The following CACNA1E variants were observed in gnomAD, a reference collection of about 807,000 sequenced individuals.
CACNA1E encodes voltage-dependent R-type calcium channel subunit alpha-1E.
A neutral mutation model predicts 259.2 loss-of-function variants in CACNA1E; 40 were observed. The observed-to-expected ratio is 0.15, with a 90% CI of 0.12 to 0.20. CACNA1E has a LOEUF of 0.20. CACNA1E is among the 10% of genes least tolerant of loss of function. CACNA1E has a pLI of 1.00. For synonymous variants in CACNA1E, 1,104 were observed against 1,138.5 expected (o/e 0.97, Z 0.61); for missense variants, 1,874 against 3,040.1 (o/e 0.62, Z 9.02).
intron 6 of CACNA1E, among the ~76,000 whole-genome samples, chr1:181,617,702 T>C (rs1008994833): frequency 1.3e-5 from 2 of 152,150 alleles, no homozygotes; most frequent in African/African-American, 4.8e-5. Context: ...ACCCCTCCTT[T>C]TCAATGTTCT....
chr1:181,769,744 A>G (rs1659339807), intron 35 of CACNA1E, among the ~76,000 whole-genome samples: 2 of 152,214 alleles, frequency 1.3e-5, no homozygotes, highest in African/African-American at 4.8e-5. Context: ...CAGAAGTGTC[A>G]TAGGGAAAAA....
Position 181,732,721 on chromosome 1 carries a change from C to T in CACNA1E, c.2635C>T (p.Arg879Trp), listed in dbSNP as rs771126920. The change falls in exon 20 of 48, where the codon CGG becomes TGG. Residue 879 changes from arginine to tryptophan, a missense_variant. Arg to Trp is a moderately radical substitution (Grantham distance 101). This residue lies in a region of CACNA1E where 476 missense variants were observed against 514.0 expected (regional missense o/e 0.93). Transcript: ENST00000367573. The surrounding 1 kb of genome is among the most constrained non-coding windows in gnomAD (Gnocchi z 5.5). ...NQRTPLSLGQREPPWLARPCH... is the reference protein window; with the variant it reads ...NQRTPLSLGQWEPPWLARPCH... ...GAGGACCCCTTTGTCCCTGGGCCAGCGGGAGCCACCATGGCTGGCCAGGCC... is the reference window on the plus strand; with the variant it reads ...GAGGACCCCTTTGTCCCTGGGCCAGTGGGAGCCACCATGGCTGGCCAGGCC... 78 of 1,544,572 alleles carry T rather than the reference C, an allele frequency of 5.0e-5. 1 individual carries two copies. The highest frequency in any genetic ancestry group is 1.8e-4 in the South Asian group (14 of 78,406).
At chr1:181,640,262 A>G (rs1048524730) in intron 6 of CACNA1E, among the ~76,000 whole-genome samples, 3 of 152,192 alleles carry the variant, frequency 2.0e-5, no homozygotes, top group Admixed American at 6.5e-5. Flanking sequence ...TGACTCACCC[A>G]TGTACCTTCA....
chr1:181,786,681 G>A (rs1045406853), intron 43 of CACNA1E, among the ~76,000 whole-genome samples: 10 of 152,156 alleles, frequency 6.6e-5, no homozygotes, highest in African/African-American at 2.4e-4. Context: ...AAGAACACAA[G>A]TATTTCTACT....
chr1:181,693,574 T>C (rs1358762964), intron 7 of CACNA1E, among the ~76,000 whole-genome samples: 4 of 152,152 alleles, frequency 2.6e-5, no homozygotes, highest in Non-Finnish European at 4.4e-5. Flanking sequence ...AAATATCAAA[T>C]GTTCTCACTT....
intron 6 of CACNA1E, among the ~76,000 whole-genome samples, chr1:181,581,329 A>G (rs10494541): frequency 0.82 from 124,864 of 152,168 alleles, 52,215 homozygotes; most frequent in East Asian, 0.98. Context: ...TCTGATTCTC[A>G]TATGTAGCCA....
chr1:181,685,229 AGTTTTT>A (rs749163486), intron 7 of CACNA1E, among the ~76,000 whole-genome samples: 1 of 72,414 alleles, frequency 1.4e-5, no homozygotes, highest in Non-Finnish European at 2.9e-5. Context: ...CCCACCTTTA[AGTTTTT>A]TTTTTTTTTT....
chr1:181,551,382 C>T (rs975075297), intron 3 of CACNA1E, among the ~76,000 whole-genome samples: 10 of 152,142 alleles, frequency 6.6e-5, no homozygotes, highest in African/African-American at 1.2e-4. Context: ...GGTGATGCAG[C>T]GTTTGGCCTG....
chr1:181,784,179 C>T (rs1229286797), intron 40 of CACNA1E, among the ~76,000 whole-genome samples: 2 of 152,150 alleles, frequency 1.3e-5, no homozygotes, highest in Non-Finnish European at 2.9e-5. Context: ...CTCTTGATTT[C>T]TAATGATTGA....
chr1:181,709,129 G>T (rs1196942505), intron 7 of CACNA1E, among the ~76,000 whole-genome samples: 1 of 152,212 alleles, frequency 6.6e-6, no homozygotes, highest in Non-Finnish European at 1.5e-5. Context: ...GGGATTGAAA[G>T]AAGCAAAAAT....
chr1:181,673,460 G>A (rs907286742), intron 7 of CACNA1E, among the ~76,000 whole-genome samples: 8 of 152,184 alleles, frequency 5.3e-5, no homozygotes, highest in African/African-American at 1.9e-4. Context: ...GATATGGGGT[G>A]GCATCCAGAG....
intron 3 of CACNA1E, among the ~76,000 whole-genome samples, chr1:181,555,503 G>T (rs1296555472): frequency 6.6e-6 from 1 of 152,144 alleles, no homozygotes; most frequent in African/African-American, 2.4e-5. Context: ...CTAATCCAGT[G>T]CCACCTGCGA....
rs1349679412 is a variant in CACNA1E at position 181,803,603 on chromosome 1, C to G, written c.*4769C>G. 2 of 152,240 alleles carry G rather than the reference C, an allele frequency of 1.3e-5. No individual in the cohort carries two copies. Among genetic ancestry groups the G allele is most frequent in the Non-Finnish European group, 2.9e-5 (2 of 68,092 alleles). 9.4% of individuals were successfully genotyped at this position (152,240 alleles called of 1,614,324 possible). ...GTGGAGGGAGGGCTCGGCTGCAGAC[C>G]TATGGTGTTTTGTCAGCTGTTAGGT... is the stretch of plus-strand genomic sequence containing the variant. On this transcript the variant is annotated 3_prime_UTR_variant, in exon 48 of 48. Coordinates refer to ENST00000367573, the MANE Select transcript of CACNA1E (RefSeq NM_001205293.3).
intron 16 of CACNA1E, 55 bp from the exon 17 acceptor site, chr1:181,724,415 C>A: frequency 2.1e-6 from 3 of 1,455,210 alleles, no homozygotes; most frequent in Non-Finnish European, 2.9e-6. Flanking sequence ...GGCCTCTCAG[C>A]CTTGCTGAAG....
At chr1:181,470,867 C>T (rs1254325118) in intron 2 of CACNA1E, among the ~76,000 whole-genome samples, 1 of 152,190 alleles carries the variant, frequency 6.6e-6, no homozygotes, top group African/African-American at 2.4e-5. Context: ...TTCCAGGCTA[C>T]AATTTCTCCT....
intron 6 of CACNA1E, among the ~76,000 whole-genome samples, chr1:181,591,832 A>T (rs1026058219): frequency 2.0e-5 from 3 of 152,242 alleles, no homozygotes; most frequent in Non-Finnish European, 4.4e-5. Context: ...AAGTAAGGTA[A>T]CATGGATAAA....
intron 2 of CACNA1E, among the ~76,000 whole-genome samples, chr1:181,451,792 T>A (rs1452633008): frequency 1.3e-5 from 2 of 151,576 alleles, no homozygotes; most frequent in African/African-American, 2.4e-5. Context: ...TCAGGAAGAG[T>A]GTAGCAAGAA....
intron 1 of CACNA1E, among the ~76,000 whole-genome samples, chr1:181,487,193 G>A (rs987285178): frequency 6.6e-5 from 10 of 152,180 alleles, no homozygotes; most frequent in African/African-American, 2.2e-4. Flanking sequence ...ACTGTAGGAC[G>A]AGGGGGATAA....
rs1256567504 is a variant in CACNA1E, at chr1:181,807,295, T to C, written c.*8461T>C. ...ACAAGGTAGGCAGAGAACTTCCTTATGGAACAACAGGGCTCTGTGACCAGA... is the reference window on the plus strand; with the variant it reads ...ACAAGGTAGGCAGAGAACTTCCTTACGGAACAACAGGGCTCTGTGACCAGA... On this transcript the variant is annotated 3_prime_UTR_variant, in exon 48 of 48. Coordinates refer to ENST00000367573, the MANE Select transcript of CACNA1E (RefSeq NM_001205293.3). 1 of 152,080 alleles carries C rather than the reference T, an allele frequency of 6.6e-6. No homozygotes were observed. The highest frequency in any genetic ancestry group is 1.5e-5 in the Non-Finnish European group (1 of 68,024). The allele number at this position is 152,080 out of a possible 1,614,324, so 9.4% of individuals were successfully genotyped here.
Sources: allele counts gnomAD v4.1 joint callset (sites outside exome capture counted in the v4.1 genomes callset), GRCh38; gene constraint gnomAD v4.1.1; regional missense constraint gnomAD v4.1.1; non-coding constraint Gnocchi (gnomAD v3.1); transcripts MANE v1.5; gene names NCBI Gene and HGNC (gene_info 2026-07-23, HGNC 2026-07-21).